RPS6KC1: variants seen among roughly 807,000 people sequenced by gnomAD.
RPS6KC1 encodes the protein ribosomal protein S6 kinase C1.
A neutral mutation model predicts 103.8 loss-of-function variants in RPS6KC1; 54 were observed. The ratio of observed to expected loss-of-function variants is 0.52; its 90% CI spans 0.42 to 0.65. The LOEUF (loss-of-function observed/expected upper bound fraction) is 0.65. Ranked by LOEUF, RPS6KC1 falls within the 30% of genes least tolerant of loss-of-function variation. RPS6KC1 has a pLI of 0.00. For missense variants in RPS6KC1, 1,151 were observed against 1,253.8 expected (o/e 0.92, Z 1.24); for synonymous variants, 439 against 438.7 (o/e 1.00, Z -0.01).
chr1:213,178,805 C>T (rs1366463832), intron 8 of RPS6KC1, among the ~76,000 whole-genome samples: 1 of 151,894 alleles, frequency 6.6e-6, no homozygotes, highest in African/African-American at 2.4e-5. Flanking sequence ...GCCTCCGCCT[C>T]GTGGGTTCAA....
intron 8 of RPS6KC1, among the ~76,000 whole-genome samples, chr1:213,183,254 G>A (rs958124897): frequency 4.6e-5 from 7 of 152,026 alleles, no homozygotes; most frequent in Non-Finnish European, 1.0e-4. Context: ...CTGATAAAAC[G>A]GTTAGACAGA....
chr1:213,662,483 G>A, the RPS6KC1 span, among the ~76,000 whole-genome samples: 1 of 149,120 alleles, frequency 6.7e-6, no homozygotes, highest in Admixed American at 6.7e-5. Context: ...CACCATGTGG[G>A]CCATTCTGGG....
chr1:213,180,033 A>T (rs2092164191), intron 8 of RPS6KC1, among the ~76,000 whole-genome samples: 1 of 152,210 alleles, frequency 6.6e-6, no homozygotes, highest in Admixed American at 6.5e-5. Flanking sequence ...CTGTATGTTG[A>T]TTTAGTATTC....
the RPS6KC1 span, among the ~76,000 whole-genome samples, chr1:213,374,592 C>G: frequency 6.6e-6 from 1 of 151,890 alleles, no homozygotes; most frequent in Non-Finnish European, 1.5e-5. Flanking sequence ...GGAGGGCATG[C>G]CAGGAGAGAC....
intron 14 of RPS6KC1, among the ~76,000 whole-genome samples, chr1:213,269,123 A>G (rs2094981028): frequency 6.6e-6 from 1 of 152,232 alleles, no homozygotes; most frequent in Non-Finnish European, 1.5e-5. Flanking sequence ...CAAAGGATGG[A>G]AAAGGATAAA....
chr1:213,460,598 A>G, the RPS6KC1 span, among the ~76,000 whole-genome samples: 3 of 152,048 alleles, frequency 2.0e-5, no homozygotes, highest in African/African-American at 7.2e-5. Context: ...TTTAAGGTTA[A>G]TATTGTTATG....
chr1:213,308,621 T>C, the RPS6KC1 span, among the ~76,000 whole-genome samples: 1 of 152,222 alleles, frequency 6.6e-6, no homozygotes, highest in Non-Finnish European at 1.5e-5. Flanking sequence ...GACTGTTTCG[T>C]TGGCTTAAGG....
the RPS6KC1 span, among the ~76,000 whole-genome samples, chr1:213,736,870 T>G: frequency 6.6e-6 from 1 of 152,192 alleles, no homozygotes; most frequent in Non-Finnish European, 1.5e-5. Flanking sequence ...TTAATTTGTT[T>G]TAGGCCAATA....
At chr1:213,709,873 G>A in the RPS6KC1 span, among the ~76,000 whole-genome samples, 1 of 152,106 alleles carries the variant, frequency 6.6e-6, no homozygotes, top group Non-Finnish European at 1.5e-5. Context: ...ATTGCACTGT[G>A]GTCTGACAGA....
At chr1:213,421,977 G>T in the RPS6KC1 span, among the ~76,000 whole-genome samples, 1 of 152,178 alleles carries the variant, frequency 6.6e-6, no homozygotes, top group Admixed American at 6.5e-5. Flanking sequence ...AGTTCCTAGA[G>T]GACTGTGACT....
At chr1:213,542,761 T>C in the RPS6KC1 span, among the ~76,000 whole-genome samples, 2 of 152,234 alleles carry the variant, frequency 1.3e-5, no homozygotes, top group Admixed American at 6.5e-5. Flanking sequence ...GATTCTGTAG[T>C]AATTTTTAAC....
chr1:213,602,805 G>A, the RPS6KC1 span, among the ~76,000 whole-genome samples: 10 of 152,148 alleles, frequency 6.6e-5, no homozygotes, highest in East Asian at 1.9e-4. Flanking sequence ...TAGCTCCCTC[G>A]CAGCCTTAGA....
At chr1:213,769,494 A>C in the RPS6KC1 span, among the ~76,000 whole-genome samples, 6 of 121,080 alleles carry the variant, frequency 5.0e-5, no homozygotes, top group East Asian at 1.3e-3. Context: ...CTCCACCTGG[A>C]GAGAGAGAGA....
At chr1:213,846,161 G>T in the RPS6KC1 span, among the ~76,000 whole-genome samples, 5 of 151,088 alleles carry the variant, frequency 3.3e-5, no homozygotes, top group African/African-American at 1.2e-4. Flanking sequence ...TTAGCCTGGC[G>T]TGGTGGCACT....
the RPS6KC1 span, among the ~76,000 whole-genome samples, chr1:213,400,809 C>A: frequency 4.0e-5 from 6 of 151,898 alleles, no homozygotes; most frequent in African/African-American, 1.5e-4. Flanking sequence ...CAGGTTCACG[C>A]CATTCTCCTG....
the RPS6KC1 span, among the ~76,000 whole-genome samples, chr1:213,628,279 AT>A: frequency 6.6e-6 from 1 of 152,092 alleles, no homozygotes; most frequent in African/African-American, 2.4e-5. Flanking sequence ...CCCCTTTATC[AT>A]TTTTTATTGC....
chr1:213,436,804 C>A, the RPS6KC1 span, among the ~76,000 whole-genome samples: 3 of 151,930 alleles, frequency 2.0e-5, no homozygotes, highest in Non-Finnish European at 1.5e-5. Context: ...ATTTCATTTT[C>A]TAGTCTTTTG....
At chr1:213,459,554 AT>A in the RPS6KC1 span, among the ~76,000 whole-genome samples, 10 of 151,710 alleles carry the variant, frequency 6.6e-5, no homozygotes, top group Non-Finnish European at 1.2e-4. Context: ...GGATTGATTG[AT>A]TTTTTGGAGG....
chr1:213,683,722 AG>A, the RPS6KC1 span, among the ~76,000 whole-genome samples: 1 of 152,084 alleles, frequency 6.6e-6, no homozygotes, highest in Non-Finnish European at 1.5e-5. Context: ...CCCACCCACT[AG>A]GGACCTTGGC....
Sources: allele counts gnomAD v4.1 joint callset (sites outside exome capture counted in the v4.1 genomes callset), GRCh38; gene constraint gnomAD v4.1.1; transcripts MANE v1.5; gene names NCBI Gene and HGNC (gene_info 2026-07-23, HGNC 2026-07-21).